The following CDH2 variants were observed in gnomAD, a reference collection of about 807,000 sequenced individuals.
The protein encoded by CDH2 is cadherin-2.
In CDH2, 17 loss-of-function variants were observed where a neutral mutation model predicts 92.0. That is an observed-to-expected ratio of 0.18 (90% confidence interval 0.13 to 0.28). CDH2 has a LOEUF of 0.28. CDH2 is among the 10% of genes least tolerant of loss of function. CDH2 has a pLI of 1.00. For missense variants in CDH2, 862 were observed against 1,133.1 expected, an observed-to-expected ratio of 0.76 and a Z score of 3.44; for synonymous variants, 419 against 415.9, an observed-to-expected ratio of 1.01 and a Z score of -0.09.
intron 2 of CDH2, among the ~76,000 whole-genome samples, chr18:28,147,075 A>G (rs1193737292): frequency 6.6e-6 from 1 of 152,078 alleles, no homozygotes; most frequent in Non-Finnish European, 1.5e-5. Context: ...AATGAACTTG[A>G]TCCATATTTA....
At chr18:28,168,254 A>G (rs2016415009) in intron 1 of CDH2, among the ~76,000 whole-genome samples, 1 of 152,124 alleles carries the variant, frequency 6.6e-6, no homozygotes, top group African/African-American at 2.4e-5. Context: ...TTTTCCCAGC[A>G]GCAAACAAAT....
intron 1 of CDH2, among the ~76,000 whole-genome samples, chr18:28,171,444 T>C (rs2016463009): frequency 6.6e-6 from 1 of 152,112 alleles, no homozygotes; most frequent in African/African-American, 2.4e-5. Flanking sequence ...CTAAAAATAA[T>C]TTTTATTCTC....
chr18:28,091,400 C>T (rs1310502636), intron 2 of CDH2, among the ~76,000 whole-genome samples: 1 of 152,124 alleles, frequency 6.6e-6, no homozygotes, highest in Non-Finnish European at 1.5e-5. Flanking sequence ...GTTCAGTTAG[C>T]TAGTGGACTT....
intron 15 of CDH2, among the ~76,000 whole-genome samples, chr18:27,954,334 C>T (rs1218680512): frequency 6.6e-6 from 1 of 152,192 alleles, no homozygotes; most frequent in Non-Finnish European, 1.5e-5. Flanking sequence ...AGGCAGAACA[C>T]ACACCCACAC....
chr18:28,130,559 G>A (rs2015750420), intron 2 of CDH2, among the ~76,000 whole-genome samples: 1 of 152,174 alleles, frequency 6.6e-6, no homozygotes, highest in African/African-American at 2.4e-5. Context: ...TGAAACCATG[G>A]CACCAAGCCT....
chr18:28,113,561 C>T (rs564313154), intron 2 of CDH2, among the ~76,000 whole-genome samples: 18 of 151,044 alleles, frequency 1.2e-4, no homozygotes, highest in South Asian at 2.1e-4. Flanking sequence ...GAAGGGAAGG[C>T]GAGGTAGATT....
intron 1 of CDH2, among the ~76,000 whole-genome samples, chr18:28,149,497 T>C (rs1048186769): frequency 7.2e-5 from 11 of 152,166 alleles, no homozygotes; most frequent in African/African-American, 2.7e-4. Context: ...CAGAAACCCA[T>C]TTGTGTGACA....
At chr18:27,974,716 G>A (rs548973015) in intron 14 of CDH2, among the ~76,000 whole-genome samples, 21 of 152,160 alleles carry the variant, frequency 1.4e-4, no homozygotes, top group Non-Finnish European at 2.2e-4. Flanking sequence ...CACTTCATGA[G>A]TGGGATTAGT....
At chr18:28,162,099 TTG>T (rs2016314922) in intron 1 of CDH2, among the ~76,000 whole-genome samples, 1 of 152,214 alleles carries the variant, frequency 6.6e-6, no homozygotes, top group African/African-American at 2.4e-5. Flanking sequence ...TTTGTCTTAT[TTG>T]TCCAGAACTG....
chr18:27,943,678 C>G (rs1909197523), intron 6 of CDH2, among the ~76,000 whole-genome samples: 1 of 152,114 alleles, frequency 6.6e-6, no homozygotes, highest in South Asian at 2.1e-4. Flanking sequence ...CTGGAAAGAA[C>G]TCAGTATTAA....
In CDH2 at chr18:28,176,983, G is replaced by C; in HGVS notation, c.40C>G (p.Leu14Val). 6.9e-7 allele frequency: 1 copy of C among 1,440,254 alleles called. No individual in the cohort carries two copies. The allele number at this position is 1,440,254 out of a possible 1,614,324, so 89.2% of individuals were successfully genotyped here. ...CGTACCTGAAGCAGGGCCGCCAGCA[G>C]CGGCAGCAGGGTCCGCAGCGCTCCC... ...IAGALRTLLP[L>V]LAALLQASVE... The change falls in exon 1 of 16, where the codon CTG (leucine) becomes GTG (valine). Residue 14 changes from leucine (L) to valine (V), a missense_variant. Leu to Val is a conservative substitution (Grantham distance 32, BLOSUM62 1). This residue lies in a region of CDH2 where 159 missense variants were observed against 177.2 expected (regional missense o/e 0.90). Transcript: ENST00000269141.
At chr18:28,023,284 G>A (rs1056799650) in intron 2 of CDH2, among the ~76,000 whole-genome samples, 6 of 152,038 alleles carry the variant, frequency 3.9e-5, no homozygotes, top group African/African-American at 1.4e-4. Context: ...ATAGCTTCAT[G>A]CCACTAGGGC....
chr18:28,161,266 T>A (rs1328547077), intron 1 of CDH2, among the ~76,000 whole-genome samples: 1 of 151,988 alleles, frequency 6.6e-6, no homozygotes, highest in Non-Finnish European at 1.5e-5. Context: ...GTGGTCATCA[T>A]TTGGTTTGGG....
chr18:27,965,172 TGA>T lies in CDH2; in HGVS notation c.2350-1653_2350-1652del, dbSNP rs762552242. On this transcript the variant is annotated intron_variant, in intron 14 of 15. Coordinates refer to ENST00000269141, the MANE Select transcript of CDH2 (RefSeq NM_001792.5). The stretch of plus-strand genomic sequence containing the variant: ...ATGACTAAAATGAGAATCAAAACCA[TGA>T]GTGTCTGACTTCATAGCACCTGATT... 4.2e-4 allele frequency among the ~76,000 whole-genome samples: 64 copies of T among 152,334 alleles called. 1 individual carries two copies. The Middle Eastern group carries it at 0.02, about 49-fold the overall frequency.
rs942717458 is a variant in CDH2 at position 28,169,008 on chromosome 18, T to C, written c.60+7955A>G. 3.3e-5 allele frequency among the ~76,000 whole-genome samples: 5 copies of C among 152,102 alleles called. No individual in the cohort carries two copies. The East Asian group carries it at 9.6e-4, about 29-fold the overall frequency. On this transcript the variant is annotated intron_variant, in intron 1 of 15. Coordinates refer to ENST00000269141, the MANE Select transcript of CDH2 (RefSeq NM_001792.5). ...CATATTCAGAATGTTTGAGTTCCAG[T>C]TTTACCATCTCTAAAATGAGAGCAA...
At chr18:28,152,156 G>C (rs533653975) in intron 1 of CDH2, among the ~76,000 whole-genome samples, 1 of 152,238 alleles carries the variant, frequency 6.6e-6, no homozygotes, top group South Asian at 2.1e-4. Context: ...TCTCACAATA[G>C]GCCCCTTAAG....
intron 2 of CDH2, among the ~76,000 whole-genome samples, chr18:28,066,465 T>C (rs2014508896): frequency 6.6e-6 from 1 of 152,170 alleles, no homozygotes; most frequent in Admixed American, 6.5e-5. Flanking sequence ...TAATTCTTGA[T>C]AGGAATGCAT....
At chr18:28,032,322 G>A (rs1385259301) in intron 2 of CDH2, among the ~76,000 whole-genome samples, 1 of 151,996 alleles carries the variant, frequency 6.6e-6, no homozygotes, top group Admixed American at 6.6e-5. Context: ...GAAATTTGTG[G>A]GCTCAGCATC....
At chr18:28,108,090 T>C (rs1394112361) in intron 2 of CDH2, among the ~76,000 whole-genome samples, 1 of 151,954 alleles carries the variant, frequency 6.6e-6, no homozygotes, top group African/African-American at 2.4e-5. Context: ...ACCTTCCCAT[T>C]TTTTTTTCCT....
Sources: gnomAD v4.1 joint callset for allele counts (sites outside exome capture counted in the v4.1 genomes callset) on GRCh38, gnomAD v4.1.1 for gene constraint, gnomAD v4.1.1 regional missense constraint, MANE v1.5 for transcripts, NCBI Gene and HGNC (gene_info 2026-07-23, HGNC 2026-07-21) for gene names.